The following TPTE variants were observed in gnomAD, a reference collection of about 807,000 sequenced individuals.
The protein encoded by TPTE is transmembrane phosphatase with tensin homology.
Under a neutral mutation model 84.1 loss-of-function variants are expected in TPTE, and 59 were observed. The ratio of observed to expected loss-of-function variants is 0.70; its 90% CI spans 0.57 to 0.87. The LOEUF (loss-of-function observed/expected upper bound fraction) is 0.87, where lower values mean the gene tolerates loss of function less well. Among genes scored for constraint, TPTE ranks in the 40% least tolerant of loss-of-function variants. The pLI is 0.00. For missense variants in TPTE, 382 were observed against 659.6 expected, an observed-to-expected ratio of 0.58 and a Z score of 4.61; for synonymous variants, 130 against 223.5, an observed-to-expected ratio of 0.58 and a Z score of 3.73.
At chr21:10,593,622 G>A (rs2075526734) in intron 19 of TPTE, among the ~76,000 whole-genome samples, 1 of 152,312 alleles carries the variant, frequency 6.6e-6, no homozygotes, top group Non-Finnish European at 1.5e-5. Context: ...CAGTAACTCT[G>A]TGAGTAGGCA....
chr21:10,537,284 G>C (rs2074282865), intron 3 of TPTE, among the ~76,000 whole-genome samples: 2 of 152,306 alleles, frequency 1.3e-5, no homozygotes, highest in South Asian at 4.1e-4. Flanking sequence ...ATGTCATATT[G>C]GTGTTGGACG....
At chr21:10,581,231 A>G (rs538197976) in intron 17 of TPTE, among the ~76,000 whole-genome samples, 130 of 152,192 alleles carry the variant, frequency 8.5e-4, no homozygotes, top group Middle Eastern at 3.4e-3. Flanking sequence ...AAGAATATAG[A>G]GGTTGAATCA....
At chr21:10,562,915 A>G (rs2074837847) in intron 10 of TPTE, among the ~76,000 whole-genome samples, 1 of 152,308 alleles carries the variant, frequency 6.6e-6, no homozygotes, top group South Asian at 2.1e-4. Context: ...GTTATAAAAC[A>G]CCAAGCAGAT....
At chr21:10,522,458 A>AG (rs1487666369) in intron 1 of TPTE, among the ~76,000 whole-genome samples, 7 of 152,288 alleles carry the variant, frequency 4.6e-5, no homozygotes, top group Non-Finnish European at 1.5e-5. Context: ...GCGCGGGCGG[A>AG]GGGGGGACGT....
chr21:10,583,890 G>A (rs2075313637), intron 17 of TPTE, among the ~76,000 whole-genome samples: 1 of 152,312 alleles, frequency 6.6e-6, no homozygotes, highest in African/African-American at 2.4e-5. Flanking sequence ...TGTGCCAATA[G>A]CACAACTATC....
chr21:10,580,149 G>A (rs1163708356), intron 17 of TPTE, among the ~76,000 whole-genome samples: 1 of 152,310 alleles, frequency 6.6e-6, no homozygotes, highest in Non-Finnish European at 1.5e-5. Context: ...CCATTTGTGT[G>A]TCTTCTGTTG....
chr21:10,582,378 A>C (rs1487585849), intron 17 of TPTE, among the ~76,000 whole-genome samples: 1 of 152,296 alleles, frequency 6.6e-6, no homozygotes, highest in Admixed American at 6.5e-5. Flanking sequence ...TTTTGTAATT[A>C]TTGTAGCTTT....
At chr21:10,569,838 A>G (rs1307716941) in intron 13 of TPTE, 92 bp downstream of exon 13, 5 of 1,611,662 alleles carry the variant, frequency 3.1e-6, no homozygotes, top group Non-Finnish European at 4.2e-6. Flanking sequence ...ACATTCATTC[A>G]AAATATTCTT....
chr21:10,552,819 G>T, intron 8 of TPTE, 103 bp downstream of exon 8: 1 of 1,595,596 alleles, frequency 6.3e-7, no homozygotes, highest in East Asian at 2.2e-5. Flanking sequence ...GGAAACTATG[G>T]AAAGATATCA....
In TPTE at chr21:10,578,359, G is replaced by A. The variant is rs772565284; in HGVS notation, c.879G>A (p.Lys293=). The A allele has an allele frequency of 2.3e-5, 37 of 1,611,538 alleles. No homozygotes were observed. In the East Asian group the frequency reaches 8.3e-4, roughly 36 times the overall value. ...TAGGTGAAAGAGCTTACGATCCTAA[G>A]CACTTCCATAATAGGGTCGTTAGAA... ...NLCSERAYDP[K]HFHNRVVRIM... is the part of the protein sequence containing the mutation. The change falls in exon 16 of 24, where the codon AAG becomes AAA. Residue 293 remains lysine (K), a synonymous_variant. Transcript: ENST00000618007.
intron 3 of TPTE, among the ~76,000 whole-genome samples, chr21:10,537,866 C>T (rs1194156424): frequency 6.6e-6 from 1 of 152,312 alleles, no homozygotes; most frequent in Non-Finnish European, 1.5e-5. Flanking sequence ...CATTCAAGGG[C>T]ATTAATGGAA....
chr21:10,574,204 T>A (rs1473819110), intron 14 of TPTE, among the ~76,000 whole-genome samples: 2 of 152,308 alleles, frequency 1.3e-5, no homozygotes, highest in Non-Finnish European at 2.9e-5. Context: ...AGGATCATTG[T>A]TTAATTTTAT....
chr21:10,537,393 T>C (rs573731837), intron 3 of TPTE, among the ~76,000 whole-genome samples: 135 of 152,360 alleles, frequency 8.9e-4, no homozygotes, highest in African/African-American at 3.2e-3. Flanking sequence ...AGAAATAATA[T>C]AGAGGCTGGC....
At chr21:10,554,712 C>A (rs193274750) in intron 8 of TPTE, among the ~76,000 whole-genome samples, 486 of 152,230 alleles carry the variant, frequency 3.2e-3, no homozygotes, top group Non-Finnish European at 5.2e-3. Context: ...CTCAGAAAGT[C>A]CTTCTCACCC....
intron 7 of TPTE, among the ~76,000 whole-genome samples, chr21:10,549,235 A>G (rs1057493854): frequency 6.6e-6 from 1 of 152,296 alleles, no homozygotes; most frequent in African/African-American, 2.4e-5. Context: ...AATTCATACA[A>G]TTTTACTCCA....
At chr21:10,531,183 G>A (rs1296308163) in intron 3 of TPTE, among the ~76,000 whole-genome samples, 1 of 152,304 alleles carries the variant, frequency 6.6e-6, no homozygotes, top group African/African-American at 2.4e-5. Flanking sequence ...ATTGTTTGGA[G>A]ATTTGTACCC....
chr21:10,584,337 C>CTTTTTTTTT (rs58211728), intron 17 of TPTE, among the ~76,000 whole-genome samples: 1 of 143,786 alleles, frequency 7.0e-6, no homozygotes, highest in Admixed American at 6.8e-5. Context: ...CCTAAACTCA[C>CTTTTTTTTT]TTTTTTTTTT....
At chr21:10,592,843 G>A (rs979500724) in intron 19 of TPTE, among the ~76,000 whole-genome samples, 452 of 135,872 alleles carry the variant, frequency 3.3e-3, no homozygotes, top group Non-Finnish European at 4.0e-3. Flanking sequence ...TCTTTTCTGT[G>A]TGTTGTGGGG....
chr21:10,533,427 ATGT>A (rs1162988279), intron 3 of TPTE, among the ~76,000 whole-genome samples: 15 of 152,296 alleles, frequency 9.8e-5, no homozygotes, highest in Non-Finnish European at 1.9e-4. Context: ...TACAGTCGGT[ATGT>A]TGTTGTTCAG....
Sources: allele counts gnomAD v4.1 joint callset (sites outside exome capture counted in the v4.1 genomes callset), GRCh38; gene constraint gnomAD v4.1.1; transcripts MANE v1.5; gene names NCBI Gene and HGNC (gene_info 2026-07-23, HGNC 2026-07-21).